MIGA2: variants seen among roughly 807,000 people sequenced by gnomAD.
MIGA2 encodes the protein family with sequence similarity 73, member B.
In MIGA2, 36 loss-of-function variants were observed where a neutral mutation model predicts 69.9. The ratio of observed to expected loss-of-function variants is 0.52; its 90% CI spans 0.39 to 0.68. MIGA2 has a LOEUF of 0.68. Ranked by LOEUF, MIGA2 falls within the 30% of genes least tolerant of loss-of-function variation. MIGA2 has a pLI of 0.00. For synonymous variants in MIGA2, 333 were observed against 349.2 expected, an observed-to-expected ratio of 0.95 and a Z score of 0.52; for missense variants, 660 against 787.7, an observed-to-expected ratio of 0.84 and a Z score of 1.94.
intron 11 of MIGA2, among the ~76,000 whole-genome samples, chr9:129,066,834 A>G (rs1167511275): frequency 1.0e-3 from 126 of 120,712 alleles, no homozygotes; most frequent in Middle Eastern, 0.011. Flanking sequence ...GGTGGCGGGC[A>G]CCTGTAGTCC....
chr9:129,062,451 G>A (rs1846113041), intron 9 of MIGA2, among the ~76,000 whole-genome samples: 1 of 149,886 alleles, frequency 6.7e-6, no homozygotes, highest in Non-Finnish European at 1.5e-5. Flanking sequence ...AGGATCACTT[G>A]AACCCGGGAG....
In MIGA2 at chr9:129,071,774, T is replaced by G. The variant is rs999562124; in HGVS notation, c.*1321T>G. On this transcript the variant is annotated 3_prime_UTR_variant, in exon 16 of 16. Transcript: ENST00000684074. Reference sequence around the variant, plus strand: ...CCCAGGCTGATGCCCGGAGGCAGCTTCCTGGGCAGGAGGGTTCCATGGGCA... The same window carrying G: ...CCCAGGCTGATGCCCGGAGGCAGCTGCCTGGGCAGGAGGGTTCCATGGGCA... 1 of 152,390 alleles carries G rather than the reference T, an allele frequency of 6.6e-6. No individual in the cohort carries two copies. Among genetic ancestry groups the G allele is most frequent in the Admixed American group, 6.5e-5 (1 of 15,288 alleles). 9.4% of individuals were successfully genotyped at this position (152,390 alleles called of 1,614,324 possible).
intron 3 of MIGA2, 93 bp from the exon 4 acceptor site, chr9:129,048,334 G>A (rs1182053895): frequency 9.4e-7 from 1 of 1,059,482 alleles, no homozygotes; most frequent in Non-Finnish European, 1.5e-6. Context: ...ATTCCCAGAT[G>A]AGGAAGAAGG....
chr9:129,059,247 G>T lies in MIGA2; in HGVS notation c.769G>T (p.Ala257Ser), dbSNP rs201510010. Residue 257 changes from alanine (A) to serine (S), a missense_variant, in exon 7 of 16, where the codon GCA (alanine) becomes TCA (serine). By Grantham distance (99) the Ala-to-Ser change is moderately conservative (BLOSUM62 1). Transcript: ENST00000684074. The surrounding 1 kb of genome is among the most constrained non-coding windows in gnomAD (Gnocchi z 5.6). ...LQEEFGSTFP[A>S]DSMLLDLERT... ...GGAGGAGTTCGGCTCCACCTTCCCC[G>T]CAGACAGCATGCTGCTAGACCTCGG... 6.3e-7 allele frequency: 1 copy of T among 1,589,052 alleles called. No individual in the cohort carries two copies.
chr9:129,037,528 C>G (rs1442983742), intron 1 of MIGA2, among the ~76,000 whole-genome samples: 7 of 152,064 alleles, frequency 4.6e-5, no homozygotes. Context: ...GGAGGACGGA[C>G]AGGGTGCCAG....
rs747658252 is a variant in MIGA2 at position 129,040,437 on chromosome 9, T to C, written c.-143-15T>C. Reference sequence around the variant, plus strand: ...GTGCACGTTCTCTTATCTGACTTGGTCATCTGTCTCTTAGCTCTGTGGAGG... The same window carrying C: ...GTGCACGTTCTCTTATCTGACTTGGCCATCTGTCTCTTAGCTCTGTGGAGG... On this transcript the variant is annotated splice_polypyrimidine_tract_variant and intron_variant, in intron 1 of 15. Transcript: ENST00000684074. 3.9e-5 allele frequency: 54 copies of C among 1,374,746 alleles called. No individual in the cohort carries two copies. Among genetic ancestry groups the C allele is most frequent in the Non-Finnish European group, 5.1e-5 (54 of 1,052,026 alleles). 85.2% of individuals were successfully genotyped at this position (1,374,746 alleles called of 1,614,324 possible). A position where few individuals can be genotyped will look rare whatever the true frequency, so the allele number is the denominator to read the frequency against.
chr9:129,059,402 C>A lies in MIGA2; in HGVS notation c.793+131C>A. ...ATCAGAATCCCCAGGGCTCTCCGAC[C>A]TCGCGTGATCCAGCACCTTATGGCA... On this transcript the variant is annotated intron_variant, in intron 7 of 15. Transcript: ENST00000684074. This position sits in a 1 kb window ranked among gnomAD's most constrained non-coding sequence, Gnocchi z 5.6. 2.9e-6 allele frequency: 2 copies of A among 681,238 alleles called. No homozygotes were observed. The highest frequency in any genetic ancestry group is 3.6e-5 in the South Asian group (2 of 55,832). 42.2% of individuals were successfully genotyped at this position (681,238 alleles called of 1,614,324 possible).
intron 11 of MIGA2, among the ~76,000 whole-genome samples, chr9:129,064,202 A>AT (rs1183295242): frequency 2.0e-5 from 3 of 150,166 alleles, no homozygotes; most frequent in East Asian, 2.0e-4. Context: ...TTTTTTGATG[A>AT]TTTTTTCGTC....
intron 2 of MIGA2, among the ~76,000 whole-genome samples, chr9:129,040,904 G>A (rs939857259): frequency 3.3e-5 from 5 of 151,996 alleles, no homozygotes; most frequent in Non-Finnish European, 7.4e-5. Context: ...TAAAAAAATT[G>A]TATTGGCCGG....
At chr9:129,036,874 A>G (rs1444341987) in intron 1 of MIGA2, 193 bp downstream of exon 1, 2 of 906,070 alleles carry the variant, frequency 2.2e-6, no homozygotes, top group Non-Finnish European at 2.7e-6. Context: ...ACGAGAAGGT[A>G]CTTGGGTCAG....
Position 129,068,486 on chromosome 9 carries a change from T to C in MIGA2, c.1404+154T>C. On this transcript the variant is annotated intron_variant, in intron 13 of 15. Coordinates refer to ENST00000684074, the MANE Select transcript of MIGA2 (RefSeq NM_001329990.2). This position sits in a 1 kb window ranked among gnomAD's most constrained non-coding sequence, Gnocchi z 4.1. ...AGGCCTGGGAGACCAGAGTCTGCCC[T>C]GGAGAAGCCTCCAGGGTGCCCCGTT... 9.6e-7 allele frequency: 1 copy of C among 1,044,476 alleles called. No individual in the cohort carries two copies. 64.7% of individuals were successfully genotyped at this position (1,044,476 alleles called of 1,614,324 possible). A position where few individuals can be genotyped will look rare whatever the true frequency, so the allele number is the denominator to read the frequency against.
At position 129,070,013 on chromosome 9, in the gene MIGA2, C is replaced by T. The variant is rs371921801; in HGVS notation, c.1575+48C>T. On this transcript the variant is annotated intron_variant, in intron 15 of 15. Transcript: ENST00000684074. ...TCTTTCCTGACCCTTGCCCTGAGCA[C>T]AGGCGCCCTGGGAGGTGCCAGGAAT... The T allele has an allele frequency of 4.6e-5, 68 of 1,466,118 alleles. No individual in the cohort carries two copies. In the African/African-American group the frequency reaches 9.0e-4, roughly 19 times the overall value. 90.8% of individuals were successfully genotyped at this position (1,466,118 alleles called of 1,614,324 possible). A position where few individuals can be genotyped will look rare whatever the true frequency, so the allele number is the denominator to read the frequency against.
chr9:129,069,600 G>A lies in MIGA2; in HGVS notation c.1459-249G>A, dbSNP rs530974334. The A allele has an allele frequency of 1.2e-5, 7 of 562,954 alleles. No individual in the cohort carries two copies. The highest frequency in any genetic ancestry group is 4.7e-4 in the Middle Eastern group (1 of 2,150). The allele number at this position is 562,954 out of a possible 1,614,324, so 34.9% of individuals were successfully genotyped here. A position where few individuals can be genotyped will look rare whatever the true frequency, so the allele number is the denominator to read the frequency against. ...AGCTGATACCAGCTGCCGTGGCCAC[G>A]TGCTCCAGGCACTTCCCGCGGAGCC... On this transcript the variant is annotated intron_variant, in intron 14 of 15. Coordinates refer to ENST00000684074, the MANE Select transcript of MIGA2 (RefSeq NM_001329990.2). This position sits in a 1 kb window ranked among gnomAD's most constrained non-coding sequence, Gnocchi z 4.9.
chr9:129,040,871 G>A (rs1050975702), intron 2 of MIGA2, among the ~76,000 whole-genome samples, 181 bp downstream of exon 2: 6 of 152,058 alleles, frequency 3.9e-5, no homozygotes, highest in East Asian at 1.9e-4. Context: ...GAGACTATAC[G>A]AACTCTTTTT....
Position 129,048,506 on chromosome 9 carries a change from C to G in MIGA2, c.387C>G (p.Ser129Arg), listed in dbSNP as rs554359911. The G allele has an allele frequency of 5.6e-6, 9 of 1,613,936 alleles. No individual in the cohort carries two copies. The highest frequency in any genetic ancestry group is 1.3e-5 in the African/African-American group (1 of 74,944). ...GTGGCATCTCTTCCATTGAGCCCAG[C>G]AAGCACTCGGGCTCCTCCCACAGTG... is the stretch of plus-strand genomic sequence containing the variant. ...TLSGISSIEP[S>R]KHSGSSHSVA... Residue 129 changes from serine (S) to arginine (R), a missense_variant, in exon 4 of 16, where the codon AGC becomes AGG. By Grantham distance (110) the Ser-to-Arg change is moderately radical. Coordinates refer to ENST00000684074, the MANE Select transcript of MIGA2 (RefSeq NM_001329990.2).
In MIGA2 at chr9:129,068,855, C is replaced by T; in HGVS notation, c.1405-221C>T. 1.6e-6 allele frequency: 1 copy of T among 606,992 alleles called. No individual in the cohort carries two copies. Among genetic ancestry groups the T allele is most frequent in the Non-Finnish European group, 3.0e-6 (1 of 338,014 alleles). The allele number at this position is 606,992 out of a possible 1,614,324, so 37.6% of individuals were successfully genotyped here. A position where few individuals can be genotyped will look rare whatever the true frequency, so the allele number is the denominator to read the frequency against. On this transcript the variant is annotated intron_variant, in intron 13 of 15. Coordinates refer to ENST00000684074, the MANE Select transcript of MIGA2 (RefSeq NM_001329990.2). The surrounding 1 kb of genome is among the most constrained non-coding windows in gnomAD (Gnocchi z 4.1). ...CTTTACAGAAGAGGAGACCGAGGCT[C>T]AGAGAAGATCCAGCAGTAAGATTAG... is the stretch of plus-strand genomic sequence containing the variant.
intron 11 of MIGA2, 116 bp downstream of exon 11, chr9:129,063,747 TC>T: frequency 2.1e-6 from 2 of 955,550 alleles, no homozygotes; most frequent in South Asian, 1.5e-5. Flanking sequence ...TTCCTCCTAC[TC>T]CGTTCTGTAG....
At chr9:129,054,100 A>G (rs1258941560) in intron 6 of MIGA2, among the ~76,000 whole-genome samples, 1 of 152,194 alleles carries the variant, frequency 6.6e-6, no homozygotes, top group African/African-American at 2.4e-5. Context: ...AGCTTTTGGT[A>G]TATTCACAAA....
chr9:129,063,795 G>A (rs148344945), intron 11 of MIGA2, among the ~76,000 whole-genome samples, 164 bp downstream of exon 11: 1 of 152,322 alleles, frequency 6.6e-6, no homozygotes, highest in Admixed American at 6.5e-5. Flanking sequence ...CCATTTCTAA[G>A]CCTTTGTGCC....
Sources: gnomAD v4.1 joint callset for allele counts (sites outside exome capture counted in the v4.1 genomes callset) on GRCh38, gnomAD v4.1.1 for gene constraint, Gnocchi (gnomAD v3.1) non-coding constraint, MANE v1.5 for transcripts, NCBI Gene and HGNC (gene_info 2026-07-23, HGNC 2026-07-21) for gene names.